Variants in MBD6 observed in about 807,000 individuals in gnomAD.
The protein encoded by MBD6 is methyl-CpG-binding domain protein 6.
In MBD6, 22 loss-of-function variants were observed where a neutral mutation model predicts 66.8. The ratio of observed to expected loss-of-function variants is 0.33; its 90% confidence interval spans 0.24 to 0.47. The LOEUF (loss-of-function observed/expected upper bound fraction) is 0.47. MBD6 is among the 20% of genes least tolerant of loss of function. The pLI, the probability that MBD6 is intolerant of heterozygous loss-of-function variation, is 1.00. For synonymous variants in MBD6, 540 were observed against 534.6 expected, an observed-to-expected ratio of 1.01 and a Z score of -0.14; for missense variants, 1,322 against 1,286.9, an observed-to-expected ratio of 1.03 and a Z score of -0.42.
chr12:57,526,371 G>A lies in MBD6; in HGVS notation c.1403G>A (p.Ser468Asn), dbSNP rs765533775. Residue 468 changes from serine (S) to asparagine (N), a missense_variant, in exon 6 of 13, where the codon AGC (serine) becomes AAC (asparagine). Transcript: ENST00000355673. Reference sequence around the variant, plus strand: ...TCCCTGCCTGGGACCACCAGTGGCAGCCTCAGCAGTGTGCCAGGTATGTGA... The same window carrying A: ...TCCCTGCCTGGGACCACCAGTGGCAACCTCAGCAGTGTGCCAGGTATGTGA... ...QPSLPGTTSG[S>N]LSSVPGAPAP... 6 of 1,595,590 alleles carry A rather than the reference G, an allele frequency of 3.8e-6. No homozygotes were observed. The highest frequency in any genetic ancestry group is 3.4e-6 in the Non-Finnish European group (4 of 1,170,380).
chr12:57,526,056 A>G lies in MBD6; in HGVS notation c.1088A>G (p.Gln363Arg). ...ASHSSSLRPS[Q>R]RRPRRPPTVF... ...CACTCCTCATCACTTCGTCCCTCTC[A>G]GCGTCGTCCCCGCAGACCCCCTACT... The change falls in exon 6 of 13, where the codon CAG becomes CGG. Residue 363 changes from glutamine (Q) to arginine (R), a missense_variant. By Grantham distance (43) the Gln-to-Arg change is conservative (BLOSUM62 1). Transcript: ENST00000355673. The G allele has an allele frequency of 6.2e-7, 1 of 1,613,182 alleles. No individual in the cohort carries two copies. Among genetic ancestry groups the G allele is most frequent in the Non-Finnish European group, 8.5e-7 (1 of 1,179,796 alleles).
At chr12:57,524,886 G>T in intron 4 of MBD6, 64 bp downstream of exon 4, 1 of 1,610,172 alleles carries the variant, frequency 6.2e-7, no homozygotes, top group South Asian at 1.1e-5. Context: ...GCAAATCACT[G>T]ACTGAGGTAG....
At chr12:57,522,545 A>C (rs1241476374), upstream of MBD6, among the ~76,000 whole-genome samples, 1 of 136,664 alleles carries the variant, frequency 7.3e-6, no homozygotes, top group Non-Finnish European at 1.5e-5. Flanking sequence ...AGAGGCGCAG[A>C]TCCTTCCGCG....
At chr12:57,530,851 T>G, downstream of MBD6, 2 of 1,258,904 alleles carry the variant, frequency 1.6e-6, no homozygotes, top group Non-Finnish European at 2.3e-6. Context: ...AGGAATTCTC[T>G]GAGAGAGAAG....
intron 7 of MBD6, 81 bp downstream of exon 7, chr12:57,527,308 C>G: frequency 8.8e-7 from 1 of 1,131,522 alleles, no homozygotes; most frequent in South Asian, 1.6e-5. Flanking sequence ...CTTTCAGTTT[C>G]ATTCCTGAGC....
chr12:57,525,778 T>G lies in MBD6; in HGVS notation c.810T>G (p.Pro270=). The change falls in exon 6 of 13, where the codon CCT becomes CCG. Residue 270 remains proline (P), a synonymous_variant. Transcript: ENST00000355673. ...ACTGTAGTGATGCCTTAACACCCCC[T>G]CCCCTGCCCCCGAGCAATAATCTCC... ...LFHCSDALTP[P]PLPPSNNLPA... The G allele has an allele frequency of 2.3e-6, 3 of 1,308,386 alleles. No homozygotes were observed. Among genetic ancestry groups the G allele is most frequent in the Non-Finnish European group, 3.1e-6 (3 of 973,462 alleles). The allele number at this position is 1,308,386 out of a possible 1,614,324, so 81.0% of individuals were successfully genotyped here.
chr12:57,521,932 G>A (rs1246672646), upstream of MBD6: 2 of 152,136 alleles, frequency 1.3e-5, no homozygotes, highest in African/African-American at 2.4e-5. Context: ...GGATCTTACC[G>A]TCCTTGTTTG....
intron 9 of MBD6, 23 bp downstream of exon 9, chr12:57,528,040 G>A: frequency 6.5e-7 from 1 of 1,529,522 alleles, no homozygotes; most frequent in Non-Finnish European, 8.8e-7. Flanking sequence ...GCATATATTT[G>A]TCAGGGAGAT....
chr12:57,525,631 C>T lies in MBD6; in HGVS notation c.663C>T (p.Ser221=), dbSNP rs1297836498. Residue 221 remains serine, a synonymous_variant, in exon 6 of 13, where the codon AGC becomes AGT. Transcript: ENST00000355673. ...CCCCACCTCCTCCACCTGCTATCAG[C>T]CTCAATGCTCCCTCATACAACTGGG... ...SPAPPPPPAI[S]LNAPSYNWGA... 6.2e-7 allele frequency: 1 copy of T among 1,613,840 alleles called. No homozygotes were observed. Among genetic ancestry groups the T allele is most frequent in the Non-Finnish European group, 8.5e-7 (1 of 1,179,868 alleles).
chr12:57,524,936 T>A lies in MBD6; in HGVS notation c.217-17T>A. 1 of 1,600,704 alleles carries A rather than the reference T, an allele frequency of 6.2e-7. No homozygotes were observed. Among genetic ancestry groups the A allele is most frequent in the Non-Finnish European group, 8.5e-7 (1 of 1,171,080 alleles). On this transcript the variant is annotated splice_polypyrimidine_tract_variant and intron_variant, in intron 4 of 12. Coordinates refer to ENST00000355673, the MANE Select transcript of MBD6 (RefSeq NM_052897.4). ...TCCAGCCCCTCAGGGTCCCTGTCCT[T>A]GCTTTCCACCTTACAGGTTTTCAAC...
chr12:57,523,757 T>G (rs1052947314), intron 1 of MBD6, among the ~76,000 whole-genome samples: 3 of 152,314 alleles, frequency 2.0e-5, no homozygotes, highest in Admixed American at 2.0e-4. Context: ...GGTTGAAGTC[T>G]TCTACTCCGA....
At chr12:57,525,136 C>G (rs540452925) in intron 5 of MBD6, 21 bp downstream of exon 5, 2 of 1,597,110 alleles carry the variant, frequency 1.3e-6, no homozygotes, top group African/African-American at 2.7e-5. Flanking sequence ...TGCCACTTTA[C>G]AGAAGACCGA....
In MBD6 at chr12:57,527,223, C is replaced by T; in HGVS notation, c.2078C>T (p.Pro693Leu). 6.6e-7 allele frequency: 1 copy of T among 1,506,790 alleles called. No homozygotes were observed. Among genetic ancestry groups the T allele is most frequent in the Non-Finnish European group, 8.9e-7 (1 of 1,129,162 alleles). The allele number at this position is 1,506,790 out of a possible 1,614,324, so 93.3% of individuals were successfully genotyped here. Residue 693 changes from proline (P) to leucine (L), a missense_variant, in exon 7 of 13, where the codon CCC becomes CTC. Physicochemically the swap from Pro to Leu is moderately conservative, Grantham distance 98. Transcript: ENST00000355673. ...ATLDPPSGTP[P>L]QPCVLSAPQP... is the part of the protein sequence containing the mutation. ...CTGGATCCCCCCTCGGGGACACCCCCCCAGGTGAGGATGGGGGTGAGTAGG... is the reference window on the plus strand; with the variant it reads ...CTGGATCCCCCCTCGGGGACACCCCTCCAGGTGAGGATGGGGGTGAGTAGG...
chr12:57,521,494 A>G (rs1594847817), upstream of MBD6: 1 of 152,278 alleles, frequency 6.6e-6, no homozygotes, highest in Admixed American at 6.5e-5. Context: ...AACAAACAAA[A>G]AAACGGGGGT....
intron 7 of MBD6, 138 bp from the exon 8 acceptor site, chr12:57,527,369 G>T: frequency 8.3e-7 from 1 of 1,207,126 alleles, no homozygotes; most frequent in Non-Finnish European, 1.2e-6. Context: ...GGGGTAGGAT[G>T]ACTGCAAGAA....
At chr12:57,521,909 A>G (rs1169571187), upstream of MBD6, 1 of 152,226 alleles carries the variant, frequency 6.6e-6, no homozygotes, top group Non-Finnish European at 1.5e-5. Context: ...TCAACTCCCC[A>G]TCACTTGCCA....
At chr12:57,524,542 G>A (rs1186963102) in intron 3 of MBD6, 126 bp downstream of exon 3, 1 of 1,092,628 alleles carries the variant, frequency 9.2e-7, no homozygotes, top group East Asian at 2.6e-5. Context: ...TCCTTCCTCA[G>A]CCTTTTTGCT....
Position 57,526,816 on chromosome 12 carries a change from C to A in MBD6, c.1671C>A (p.Asn557Lys), listed in dbSNP as rs762521701. 1 of 1,612,844 alleles carries A rather than the reference C, an allele frequency of 6.2e-7. No individual in the cohort carries two copies. Among genetic ancestry groups the A allele is most frequent in the Non-Finnish European group, 8.5e-7 (1 of 1,179,268 alleles). ...LGQPPPSPLL[N>K]HSLFGVLTGG... ...AGCCTCCACCTTCTCCATTGCTCAA[C>A]CACAGTTTATTTGGTGTGCTGACTG... Residue 557 changes from asparagine (N) to lysine (K), a missense_variant, in exon 7 of 13, where the codon AAC (asparagine) becomes AAA (lysine). Asn to Lys is a moderately conservative substitution (Grantham distance 94, BLOSUM62 0). Transcript: ENST00000355673.
Position 57,529,253 on chromosome 12 carries a change from G to T in MBD6, c.*19G>T. ...CCCATAGCAGCCATACCTGGAGCTG[G>T]ATCTGACCCTGATTGGGGAGAGCTG... On this transcript the variant is annotated 3_prime_UTR_variant, in exon 13 of 13. Transcript: ENST00000355673. 3.1e-6 allele frequency: 5 copies of T among 1,613,832 alleles called. No individual in the cohort carries two copies. Among genetic ancestry groups the T allele is most frequent in the Non-Finnish European group, 4.2e-6 (5 of 1,179,904 alleles).
Sources: allele counts gnomAD v4.1 joint callset (sites outside exome capture counted in the v4.1 genomes callset), GRCh38; gene constraint gnomAD v4.1.1; transcripts MANE v1.5; gene names NCBI Gene and HGNC (gene_info 2026-07-23, HGNC 2026-07-21).